TESK2: variants seen among roughly 807,000 people sequenced by gnomAD.
TESK2 encodes the protein testis associated actin remodelling kinase 2, also known as dual specificity testis-specific protein kinase 2.
Under a neutral mutation model 57.1 loss-of-function variants are expected in TESK2, and 39 were observed. The observed-to-expected ratio is 0.68, with a 90% CI of 0.53 to 0.89. TESK2 has a LOEUF of 0.89. Among genes scored for constraint, TESK2 ranks in the 40% least tolerant of loss-of-function variants. TESK2 has a pLI of 0.00. For synonymous variants in TESK2, 249 were observed against 267.9 expected, an observed-to-expected ratio of 0.93 and a Z score of 0.69; for missense variants, 646 against 732.1, an observed-to-expected ratio of 0.88 and a Z score of 1.36.
Position 45,344,892 on chromosome 1 carries a change from G to C in TESK2, c.1664C>G (p.Thr555Ser). The C allele has an allele frequency of 6.2e-7, 1 of 1,613,880 alleles. No homozygotes were observed. The highest frequency in any genetic ancestry group is 8.5e-7 in the Non-Finnish European group (1 of 1,180,044). The change falls in exon 11 of 11, where the codon ACC becomes AGC. Residue 555 changes from threonine (T) to serine (S), a missense_variant. Physicochemically the swap from Thr to Ser is moderately conservative, Grantham distance 58 (BLOSUM62 1). Transcript: ENST00000372086. ...EERPAGSTPA[T>S]FSTSGIGLQT... ...CAGGCCTATGCCTGAGGTGGAGAAG[G>C]TGGCTGGAGTTGAGCCTGCTGGCCT...
intron 1 of TESK2, among the ~76,000 whole-genome samples, chr1:45,463,344 T>G (rs1185600622): frequency 1.3e-5 from 2 of 152,232 alleles, no homozygotes; most frequent in Non-Finnish European, 2.9e-5. Flanking sequence ...CAATGTTTCC[T>G]TGTAGTACTT....
At chr1:45,485,259 G>A (rs1653416943) in intron 1 of TESK2, among the ~76,000 whole-genome samples, 1 of 149,934 alleles carries the variant, frequency 6.7e-6, no homozygotes, top group Non-Finnish European at 1.5e-5. Flanking sequence ...CGCGATCTCG[G>A]CTCACTGAAG....
intron 2 of TESK2, among the ~76,000 whole-genome samples, chr1:45,437,128 T>C (rs1407822082): frequency 2.0e-5 from 3 of 152,162 alleles, no homozygotes; most frequent in Non-Finnish European, 2.9e-5. Context: ...TTTCACTGAA[T>C]CTGTAGATTG....
rs111269135 is a variant in TESK2 at position 45,427,234 on chromosome 1, CAAAAAAAAA to C, written c.223-5397_223-5389del. 5.4e-3 allele frequency among the ~76,000 whole-genome samples: 696 copies of C among 129,522 alleles called. 6 individuals are homozygous for C. Among genetic ancestry groups the C allele is most frequent in the African/African-American group, 0.022 (656 of 30,244 alleles). The allele number at this position is 129,522 out of a possible 152,430, so 85.0% of individuals were successfully genotyped here. ...CTTCAGCCTCAGCAAGACTCTGTCTCAAAAAAAAAAAAAAAAAAAAAAAAAGAATTCTTG... is the reference window on the plus strand; with the variant it reads ...CTTCAGCCTCAGCAAGACTCTGTCTCAAAAAAAAAAAAAAAAGAATTCTTG... On this transcript the variant is annotated intron_variant, in intron 2 of 10. Transcript: ENST00000372086.
chr1:45,446,471 A>T (rs961468043), intron 2 of TESK2, among the ~76,000 whole-genome samples: 2 of 152,188 alleles, frequency 1.3e-5, no homozygotes, highest in South Asian at 2.1e-4. Flanking sequence ...CTCTAAAAAA[A>T]TTTTAAATAA....
At chr1:45,384,385 ATCTG>A (rs1412537804) in intron 4 of TESK2, among the ~76,000 whole-genome samples, 62 of 124,372 alleles carry the variant, frequency 5.0e-4, no homozygotes, top group Middle Eastern at 7.8e-3. Flanking sequence ...CTATCTATCT[ATCTG>A]TCTATCTATC....
intron 2 of TESK2, among the ~76,000 whole-genome samples, chr1:45,451,750 G>C (rs1651880421): frequency 6.6e-6 from 1 of 152,004 alleles, no homozygotes. Context: ...TCTTTATTTG[G>C]TGGCTGGGAG....
intron 3 of TESK2, chr1:45,413,793 A>AGG (rs774920649): frequency 2.6e-5 from 12 of 455,776 alleles, no homozygotes. Context: ...GTGTAATCCT[A>AGG]GGGTTCCAAG....
intron 2 of TESK2, among the ~76,000 whole-genome samples, chr1:45,433,357 G>C (rs1359781700): frequency 6.6e-6 from 1 of 151,948 alleles, no homozygotes; most frequent in Non-Finnish European, 1.5e-5. Flanking sequence ...GAGATTACAG[G>C]CATGAGACAC....
chr1:45,448,053 G>A (rs1172686429), intron 2 of TESK2, among the ~76,000 whole-genome samples: 2 of 125,594 alleles, frequency 1.6e-5, no homozygotes. Flanking sequence ...TTTTTTTTTT[G>A]GTAGAGACCT....
At chr1:45,472,515 G>A (rs530929950) in intron 1 of TESK2, among the ~76,000 whole-genome samples, 32 of 146,636 alleles carry the variant, frequency 2.2e-4, no homozygotes, top group Non-Finnish European at 3.4e-4. Flanking sequence ...CCAAGATTGC[G>A]CCATTGCACT....
intron 4 of TESK2, among the ~76,000 whole-genome samples, chr1:45,359,514 T>A (rs887925932): frequency 6.8e-6 from 1 of 146,904 alleles, no homozygotes; most frequent in Non-Finnish European, 1.5e-5. Flanking sequence ...GAAGTGAGAT[T>A]GAGCCACTGC....
At chr1:45,354,594 C>T (rs1466822140) in intron 5 of TESK2, among the ~76,000 whole-genome samples, 2 of 151,356 alleles carry the variant, frequency 1.3e-5, no homozygotes. Flanking sequence ...CCATTGAACT[C>T]CAGCCTGGGC....
intron 2 of TESK2, among the ~76,000 whole-genome samples, chr1:45,444,136 G>A (rs370395930): frequency 1.9e-4 from 28 of 149,780 alleles, no homozygotes; most frequent in African/African-American, 6.6e-4. Context: ...TTATGATCAT[G>A]CTACTGCACT....
At chr1:45,451,300 T>C (rs1334414129) in intron 2 of TESK2, among the ~76,000 whole-genome samples, 1 of 152,232 alleles carries the variant, frequency 6.6e-6, no homozygotes. Flanking sequence ...TGTGCCCTTT[T>C]CATGCTGTGT....
At chr1:45,487,068 A>T (rs1463117279) in intron 1 of TESK2, among the ~76,000 whole-genome samples, 2 of 151,686 alleles carry the variant, frequency 1.3e-5, no homozygotes, top group East Asian at 3.9e-4. Context: ...ACCTCAAGTG[A>T]TCCACCCGCC....
intron 3 of TESK2, among the ~76,000 whole-genome samples, chr1:45,411,819 G>A (rs762435367): frequency 5.9e-5 from 9 of 152,186 alleles, no homozygotes; most frequent in Admixed American, 1.3e-4. Flanking sequence ...GCAATGCCAC[G>A]ATCTCAGGGA....
chr1:45,392,670 C>T (rs569253256), intron 3 of TESK2, among the ~76,000 whole-genome samples: 324 of 151,572 alleles, frequency 2.1e-3, no homozygotes, highest in African/African-American at 7.6e-3. Flanking sequence ...CATTGCACTC[C>T]GGCCTGGGCA....
At chr1:45,455,554 C>T (rs1652056690) in intron 2 of TESK2, among the ~76,000 whole-genome samples, 1 of 152,174 alleles carries the variant, frequency 6.6e-6, no homozygotes, top group Non-Finnish European at 1.5e-5. Context: ...TATTGACTTG[C>T]TGTGTGCATT....
Sources: allele counts gnomAD v4.1 joint callset (sites outside exome capture counted in the v4.1 genomes callset), GRCh38; gene constraint gnomAD v4.1.1; transcripts MANE v1.5; gene names NCBI Gene and HGNC (gene_info 2026-07-23, HGNC 2026-07-21).